The following DNMBP variants were observed in gnomAD, a reference collection of about 807,000 sequenced individuals.
The protein encoded by DNMBP is dynamin-binding protein.
In DNMBP, 87 loss-of-function variants were observed where a neutral mutation model predicts 150.0. That is an observed-to-expected ratio of 0.58 (90% confidence interval 0.49 to 0.69). DNMBP has a LOEUF of 0.69. Ranked by LOEUF, DNMBP falls within the 30% of genes least tolerant of loss-of-function variation. The pLI is 0.00. For synonymous variants in DNMBP, 711 were observed against 750.4 expected (o/e 0.95, Z 0.86); for missense variants, 1,774 against 1,949.0 (o/e 0.91, Z 1.69).
Position 99,956,563 on chromosome 10 carries a change from C to T in DNMBP, c.911G>A (p.Arg304Gln), listed in dbSNP as rs775878485. 19 of 1,613,998 alleles carry T rather than the reference C, an allele frequency of 1.2e-5. No homozygotes were observed. Among genetic ancestry groups the T allele is most frequent in the Middle Eastern group, 1.6e-4 (1 of 6,084 alleles). Reference protein sequence around the residue: ...YRFVKLCPDTRVEETMALPQE... With the variant: ...YRFVKLCPDTQVEETMALPQE... ...GGGCAGAGCCATGGTTTCCTCCACC[C>T]GTGTGTCAGGACATAATTTCACAAA... Residue 304 changes from arginine (R) to glutamine (Q), a missense_variant, in exon 4 of 17, where the codon CGG (arginine) becomes CAG (glutamine). By Grantham distance (43) the Arg-to-Gln change is conservative. Around this residue, in one of 2 missense-constraint regions of DNMBP, gnomAD observed 344 missense variants for 456.6 expected, o/e 0.75. Coordinates refer to ENST00000324109, the MANE Select transcript of DNMBP (RefSeq NM_015221.4).
At position 99,972,052 on chromosome 10, in the gene DNMBP, C is replaced by T; in HGVS notation, c.73G>A (p.Val25Met). 2 of 1,614,006 alleles carry T rather than the reference C, an allele frequency of 1.2e-6. No individual in the cohort carries two copies. Among genetic ancestry groups the T allele is most frequent in the Non-Finnish European group, 8.5e-7 (1 of 1,180,004 alleles). Residue 25 changes from valine to methionine, a missense_variant, in exon 2 of 17, where the codon GTG becomes ATG. Physicochemically the swap from Val to Met is conservative, Grantham distance 21. Around this residue, in one of 2 missense-constraint regions of DNMBP, gnomAD observed 344 missense variants for 456.6 expected, o/e 0.75. Transcript: ENST00000324109. ...PSVSEELPLFVGDIIEVLAVV... is the reference protein window; with the variant it reads ...PSVSEELPLFMGDIIEVLAVV... Reference sequence around the variant, plus strand: ...GCCAGCACCTCAATAATATCTCCCACAAAGAGCGGCAGTTCTTCTGATACG... The same window carrying T: ...GCCAGCACCTCAATAATATCTCCCATAAAGAGCGGCAGTTCTTCTGATACG...
At chr10:99,982,243 G>C (rs904690499) in intron 1 of DNMBP, among the ~76,000 whole-genome samples, 23 of 152,034 alleles carry the variant, frequency 1.5e-4, no homozygotes, top group Non-Finnish European at 1.0e-4. Flanking sequence ...CCAGGAGCTC[G>C]AGACCAGCCT....
In DNMBP at chr10:99,955,941, C is replaced by T. The variant is rs199870646; in HGVS notation, c.1533G>A (p.Thr511=). The change falls in exon 4 of 17, where the codon ACG becomes ACA. Residue 511 remains threonine (T), a synonymous_variant. Transcript: ENST00000324109. ...TCTCTGAGATGGAGTAAACACTGGA[C>T]GTGTGGTGCTTTTTAGTATAACTTG... The part of the protein sequence containing the change: ...NLASYTKKHH[T]SSVYSISERL... 1.1e-5 allele frequency: 17 copies of T among 1,613,960 alleles called. No homozygotes were observed. Among genetic ancestry groups the T allele is most frequent in the Middle Eastern group, 1.6e-4 (1 of 6,084 alleles).
intron 4 of DNMBP, among the ~76,000 whole-genome samples, chr10:99,920,498 T>C (rs1222504517): frequency 6.6e-6 from 1 of 152,162 alleles, no homozygotes; most frequent in Non-Finnish European, 1.5e-5. Flanking sequence ...GAGCTGCTCC[T>C]AGATCTTGGG....
intron 15 of DNMBP, among the ~76,000 whole-genome samples, chr10:99,881,460 T>C (rs1017828367): frequency 1.3e-5 from 2 of 152,194 alleles, no homozygotes; most frequent in South Asian, 2.1e-4. Flanking sequence ...AAATTAGGGA[T>C]TGCGTGAGCA....
At chr10:99,882,185 G>A (rs2039377308) in intron 15 of DNMBP, among the ~76,000 whole-genome samples, 1 of 152,220 alleles carries the variant, frequency 6.6e-6, no homozygotes, top group Non-Finnish European at 1.5e-5. Flanking sequence ...TAGAGGTTGA[G>A]AGTAGAATGC....
chr10:99,895,245 G>A (rs952032043), intron 10 of DNMBP, among the ~76,000 whole-genome samples, 195 bp from the exon 11 acceptor site: 11 of 151,488 alleles, frequency 7.3e-5, no homozygotes, highest in African/African-American at 2.4e-4. Flanking sequence ...TCCTGCGTCA[G>A]CCTCTCGCAT....
At chr10:99,906,342 G>A (rs1051559512) in intron 6 of DNMBP, among the ~76,000 whole-genome samples, 1 of 152,130 alleles carries the variant, frequency 6.6e-6, no homozygotes, top group Non-Finnish European at 1.5e-5. Context: ...CGACACAGGG[G>A]TCACTCCTTC....
rs1047871720 is a variant in DNMBP, at chr10:99,876,622, G to A, written c.*529C>T. On this transcript the variant is annotated 3_prime_UTR_variant, in exon 17 of 17. Transcript: ENST00000324109. The stretch of plus-strand genomic sequence containing the variant: ...GTATGAGAATGTGTGCTGGACACTG[G>A]AGGTGTCCCAGGAGCTTTGAAGCAC... The A allele has an allele frequency of 1.3e-5, 2 of 152,480 alleles. 1 individual carries two copies. The highest frequency in any genetic ancestry group is 2.9e-5 in the Non-Finnish European group (2 of 68,244). The allele number at this position is 152,480 out of a possible 1,614,324, so 9.4% of individuals were successfully genotyped here.
chr10:99,952,704 G>T (rs1301854776), intron 4 of DNMBP, among the ~76,000 whole-genome samples: 1 of 152,106 alleles, frequency 6.6e-6, no homozygotes, highest in Admixed American at 6.5e-5. Flanking sequence ...TTGAATAGAG[G>T]TTTCCCTCTC....
chr10:99,887,136 T>G (rs1274868299), intron 12 of DNMBP, among the ~76,000 whole-genome samples: 3 of 151,440 alleles, frequency 2.0e-5, no homozygotes, highest in South Asian at 4.2e-4. Context: ...TCACCCAGGC[T>G]GGAGTGCAGT....
At chr10:99,890,592 G>A (rs2039540868) in intron 11 of DNMBP, among the ~76,000 whole-genome samples, 1 of 152,212 alleles carries the variant, frequency 6.6e-6, no homozygotes, top group Non-Finnish European at 1.5e-5. Flanking sequence ...AGGGATATTA[G>A]GGGAAAGTCC....
intron 4 of DNMBP, among the ~76,000 whole-genome samples, chr10:99,931,986 G>A (rs907506511): frequency 4.6e-5 from 7 of 152,202 alleles, no homozygotes; most frequent in Admixed American, 3.3e-4. Context: ...GATATAATAC[G>A]TGGAAAATAA....
intron 4 of DNMBP, among the ~76,000 whole-genome samples, chr10:99,919,552 G>A (rs2039999662): frequency 6.6e-6 from 1 of 152,196 alleles, no homozygotes; most frequent in South Asian, 2.1e-4. Context: ...CAGCACTTTG[G>A]GAGGCCAAGG....
intron 4 of DNMBP, among the ~76,000 whole-genome samples, chr10:99,948,195 CACA>C (rs1305446580): frequency 5.9e-5 from 9 of 152,262 alleles, no homozygotes; most frequent in African/African-American, 1.7e-4. Flanking sequence ...CATTGTGGCT[CACA>C]ACAACAAACC....
At chr10:99,891,191 CCCACCGTCTCCCTCTCTTT>C (rs1346049952) in intron 11 of DNMBP, among the ~76,000 whole-genome samples, 24 of 149,300 alleles carry the variant, frequency 1.6e-4, no homozygotes, top group African/African-American at 5.7e-4. Flanking sequence ...TCTCCCTCTC[CCCACCGTCTCCCTCTCTTT>C]CCACGGTCTC....
At chr10:99,934,605 G>T (rs1303770683) in intron 4 of DNMBP, among the ~76,000 whole-genome samples, 3 of 136,068 alleles carry the variant, frequency 2.2e-5, no homozygotes, top group African/African-American at 8.4e-5. Context: ...TAGGATTACT[G>T]AGGAAGAAGC....
intron 1 of DNMBP, among the ~76,000 whole-genome samples, chr10:100,009,632 C>G (rs2041111371): frequency 6.6e-6 from 1 of 152,222 alleles, no homozygotes; most frequent in South Asian, 2.1e-4. Flanking sequence ...CGAGGGGGCC[C>G]GCTGCGCCCC....
chr10:99,904,544 G>A (rs1332356561), intron 6 of DNMBP, among the ~76,000 whole-genome samples: 1 of 151,946 alleles, frequency 6.6e-6, no homozygotes, highest in Non-Finnish European at 1.5e-5. Flanking sequence ...TGTTCTTTGT[G>A]AATCCCCCAC....
Sources: gnomAD v4.1 joint callset for allele counts (sites outside exome capture counted in the v4.1 genomes callset) on GRCh38, gnomAD v4.1.1 for gene constraint, gnomAD v4.1.1 regional missense constraint, MANE v1.5 for transcripts, NCBI Gene and HGNC (gene_info 2026-07-23, HGNC 2026-07-21) for gene names.